XPO6: variants seen among roughly 807,000 people sequenced by gnomAD.
XPO6 encodes exportin-6.
XPO6 carries 3 observed loss-of-function variants against 130.0 expected under a neutral mutation model. That is an observed-to-expected ratio of 0.02 (90% CI 0.01 to 0.06). The LOEUF (loss-of-function observed/expected upper bound fraction) is 0.06. Ranked by LOEUF, XPO6 falls within the 10% of genes least tolerant of loss-of-function variation. The probability of loss-of-function intolerance (pLI) is 1.00; values close to 1 mark genes in which losing one functional copy is unlikely to be tolerated. For synonymous variants in XPO6, 524 were observed against 548.9 expected (o/e 0.95, Z 0.63); for missense variants, 970 against 1,393.0 (o/e 0.70, Z 4.83).
At chr16:28,105,405 T>C (rs1285676677) in intron 20 of XPO6, among the ~76,000 whole-genome samples, 2 of 152,180 alleles carry the variant, frequency 1.3e-5, no homozygotes, top group African/African-American at 4.8e-5. Flanking sequence ...ATATATTCAG[T>C]TCAGCCTTGA....
At chr16:28,210,724 G>A (rs1211949385) in intron 1 of XPO6, among the ~76,000 whole-genome samples, 1 of 152,218 alleles carries the variant, frequency 6.6e-6, no homozygotes, top group Non-Finnish European at 1.5e-5. Flanking sequence ...GCAGAGATCA[G>A]AGCATGTAGA....
rs2086648363 is a variant in XPO6 at position 28,101,211 on chromosome 16, G to A, written c.3276+247C>T. 1.7e-6 allele frequency: 1 copy of A among 573,998 alleles called. No individual in the cohort carries two copies. Among genetic ancestry groups the A allele is most frequent in the Admixed American group, 2.8e-5 (1 of 35,170 alleles). 35.6% of individuals were successfully genotyped at this position (573,998 alleles called of 1,614,324 possible). A position where few individuals can be genotyped will look rare whatever the true frequency, so the allele number is the denominator to read the frequency against. ...ACAAATGGAGGGGCTGCAGAGCCAGGAACTCGGGACCTCCATGGCTGAGAC... is the reference window on the plus strand; with the variant it reads ...ACAAATGGAGGGGCTGCAGAGCCAGAAACTCGGGACCTCCATGGCTGAGAC... On this transcript the variant is annotated intron_variant, in intron 23 of 23. Coordinates refer to ENST00000304658, the MANE Select transcript of XPO6 (RefSeq NM_015171.4). The surrounding 1 kb of genome is among the most constrained non-coding windows in gnomAD (Gnocchi z 5.4).
At chr16:28,150,401 G>A (rs894248230) in intron 8 of XPO6, among the ~76,000 whole-genome samples, 1 of 152,016 alleles carries the variant, frequency 6.6e-6, no homozygotes, top group African/African-American at 2.4e-5. Context: ...ATGACACATA[G>A]GAGTCTACTG....
chr16:28,133,702 C>A, intron 11 of XPO6, 139 bp downstream of exon 11: 1 of 754,852 alleles, frequency 1.3e-6, no homozygotes, highest in Non-Finnish European at 2.1e-6. Flanking sequence ...TTGAGCATCA[C>A]TTATGGTAAT....
intron 8 of XPO6, among the ~76,000 whole-genome samples, chr16:28,149,359 A>G (rs2043044785): frequency 6.6e-6 from 1 of 152,172 alleles, no homozygotes; most frequent in Admixed American, 6.5e-5. Flanking sequence ...AGGAAAAGAA[A>G]CAGAAAAGGA....
rs753008071 is a variant in XPO6 at position 28,117,444 on chromosome 16, A to G, written c.1878T>C (p.Ala626=). The G allele has an allele frequency of 1.2e-6, 2 of 1,614,144 alleles. No homozygotes were observed. The highest frequency in any genetic ancestry group is 1.7e-5 in the Admixed American group (1 of 60,028). ...DLIDVHAQSL[A]ALQAYSHWLA... is the part of the protein sequence containing the mutation. The stretch of plus-strand genomic sequence containing the variant: ...ACCAGTGAGAGTAAGCCTGCAGCGC[A>G]GCCAGGGACTGAGCATGCCTGCAGA... The change falls in exon 15 of 24, where the codon GCT becomes GCC. Residue 626 remains alanine (A), a synonymous_variant. Transcript: ENST00000304658.
chr16:28,111,150 A>G (rs2141246785), intron 17 of XPO6: 1 of 152,352 alleles, frequency 6.6e-6, no homozygotes, highest in Non-Finnish European at 1.5e-5. Flanking sequence ...ATTTATTACT[A>G]TTTCTGACAT....
At chr16:28,169,996 G>C (rs1334862499) in intron 4 of XPO6, 87 bp from the exon 5 acceptor site, 18 of 1,505,564 alleles carry the variant, frequency 1.2e-5, no homozygotes, top group Non-Finnish European at 1.6e-5. Context: ...TGAAGCATCT[G>C]TGTGTGTTTA....
chr16:28,129,492 A>G (rs1377886665), intron 12 of XPO6, among the ~76,000 whole-genome samples: 1 of 152,178 alleles, frequency 6.6e-6, no homozygotes, highest in Non-Finnish European at 1.5e-5. Context: ...ACAAAACATC[A>G]TGGCCACACA....
chr16:28,121,622 G>A (rs1417242212), intron 14 of XPO6, 48 bp downstream of exon 14: 2 of 1,346,830 alleles, frequency 1.5e-6, no homozygotes, highest in Non-Finnish European at 2.1e-6. Flanking sequence ...TGGAGATTGG[G>A]GGCAAGGTCT....
At chr16:28,197,955 T>A (rs1205494782) in intron 1 of XPO6, among the ~76,000 whole-genome samples, 10 of 57,902 alleles carry the variant, frequency 1.7e-4, no homozygotes, top group East Asian at 1.0e-3. Context: ...AGACTACATC[T>A]AAGTTTATTA....
intron 15 of XPO6, among the ~76,000 whole-genome samples, chr16:28,115,412 T>C (rs910623425): frequency 4.6e-5 from 7 of 152,228 alleles, no homozygotes; most frequent in African/African-American, 1.7e-4. Context: ...CATCTCCATC[T>C]GAGTCCTTAG....
intron 1 of XPO6, among the ~76,000 whole-genome samples, chr16:28,196,685 A>G (rs1290229875): frequency 6.6e-6 from 1 of 152,190 alleles, no homozygotes; most frequent in Non-Finnish European, 1.5e-5. Flanking sequence ...ATCTGATAAA[A>G]AGATTAATGC....
chr16:28,191,535 A>G (rs1195041236), intron 1 of XPO6, among the ~76,000 whole-genome samples: 2 of 152,216 alleles, frequency 1.3e-5, no homozygotes, highest in East Asian at 3.8e-4. Flanking sequence ...TTAAGACAGA[A>G]GTAAACAAAC....
chr16:28,202,981 C>T (rs1238649902), intron 1 of XPO6, among the ~76,000 whole-genome samples: 2 of 152,174 alleles, frequency 1.3e-5, no homozygotes, highest in Non-Finnish European at 1.5e-5. Flanking sequence ...GTGGTAAAGA[C>T]AAAAAGTCTG....
Position 28,101,194 on chromosome 16 carries a change from A to T in XPO6, c.3276+264T>A. On this transcript the variant is annotated intron_variant, in intron 23 of 23. Coordinates refer to ENST00000304658, the MANE Select transcript of XPO6 (RefSeq NM_015171.4). The surrounding 1 kb of genome is among the most constrained non-coding windows in gnomAD (Gnocchi z 5.4). ...TGAACAAAGATGCCAAGACAAATGG[A>T]GGGGCTGCAGAGCCAGGAACTCGGG... is the stretch of plus-strand genomic sequence containing the variant. 1.8e-6 allele frequency: 1 copy of T among 546,804 alleles called. No individual in the cohort carries two copies. The highest frequency in any genetic ancestry group is 3.3e-6 in the Non-Finnish European group (1 of 301,966). 33.9% of individuals were successfully genotyped at this position (546,804 alleles called of 1,614,324 possible). A position where few individuals can be genotyped will look rare whatever the true frequency, so the allele number is the denominator to read the frequency against.
chr16:28,208,963 A>G (rs1249132235), intron 1 of XPO6: 1 of 152,282 alleles, frequency 6.6e-6, no homozygotes, highest in Admixed American at 6.5e-5. Context: ...ATGAAAGGAT[A>G]TATGAAATGC....
intron 21 of XPO6, among the ~76,000 whole-genome samples, chr16:28,103,035 A>C (rs1215250789): frequency 6.6e-6 from 1 of 152,198 alleles, no homozygotes. Flanking sequence ...TCATGGAAGT[A>C]TAACAGAGTA....
intron 6 of XPO6, among the ~76,000 whole-genome samples, chr16:28,163,957 T>A (rs2043317127): frequency 6.6e-6 from 1 of 152,188 alleles, no homozygotes; most frequent in South Asian, 2.1e-4. Context: ...GCAGCCAGTT[T>A]AGGAGTTAAG....
Sources: allele counts gnomAD v4.1 joint callset (sites outside exome capture counted in the v4.1 genomes callset), GRCh38; gene constraint gnomAD v4.1.1; non-coding constraint Gnocchi (gnomAD v3.1); transcripts MANE v1.5; gene names NCBI Gene and HGNC (gene_info 2026-07-23, HGNC 2026-07-21).